The following PIGU variants were observed in gnomAD, a reference collection of about 807,000 sequenced individuals.
PIGU encodes the protein phosphatidylinositol glycan anchor biosynthesis class U.
PIGU carries 24 observed loss-of-function variants against 49.9 expected under a neutral mutation model. The observed-to-expected ratio is 0.48, with a 90% CI of 0.35 to 0.68. The LOEUF is 0.68. Ranked by LOEUF, PIGU falls within the 30% of genes least tolerant of loss-of-function variation. The pLI is 0.01. For synonymous variants in PIGU, 220 were observed against 205.7 expected (o/e 1.07, Z -0.59); for missense variants, 490 against 532.6 (o/e 0.92, Z 0.79).
intron 1 of PIGU, among the ~76,000 whole-genome samples, chr20:34,667,234 G>T (rs373870404): frequency 6.6e-6 from 1 of 152,016 alleles, no homozygotes; most frequent in Non-Finnish European, 1.5e-5. Context: ...TCAGTTTCCC[G>T]TATCAATAAG....
At chr20:34,576,315 C>T (rs1402140726) in intron 10 of PIGU, among the ~76,000 whole-genome samples, 1 of 152,152 alleles carries the variant, frequency 6.6e-6, no homozygotes, top group African/African-American at 2.4e-5. Context: ...GAAAAAATGA[C>T]ACAGATATAT....
At chr20:34,600,938 G>A (rs757423445) in intron 7 of PIGU, among the ~76,000 whole-genome samples, 6 of 152,042 alleles carry the variant, frequency 3.9e-5, no homozygotes, top group East Asian at 1.9e-4. Context: ...GGAGGCTAAG[G>A]CAGGAAAATT....
At chr20:34,633,226 G>A (rs1178688009) in intron 6 of PIGU, among the ~76,000 whole-genome samples, 2 of 152,174 alleles carry the variant, frequency 1.3e-5, no homozygotes, top group Non-Finnish European at 2.9e-5. Flanking sequence ...CACTTTGGGA[G>A]GCCAAGGAGG....
chr20:34,666,497 C>G (rs941972215), intron 1 of PIGU, among the ~76,000 whole-genome samples: 2 of 150,194 alleles, frequency 1.3e-5, no homozygotes, highest in Non-Finnish European at 3.0e-5. Flanking sequence ...TGATAACTAA[C>G]CCATGAAGCA....
intron 6 of PIGU, among the ~76,000 whole-genome samples, chr20:34,630,871 C>T (rs571574336): frequency 6.6e-6 from 1 of 152,178 alleles, no homozygotes. Context: ...TCTTGAACTC[C>T]TGGCCTCAAG....
chr20:34,650,700 CT>C (rs59998699), intron 2 of PIGU, among the ~76,000 whole-genome samples: 91 of 38,772 alleles, frequency 2.3e-3, no homozygotes, highest in Non-Finnish European at 3.2e-3. Context: ...CTTTTTTTCT[CT>C]TTTTTTTTTT....
intron 11 of PIGU, 136 bp downstream of exon 11, chr20:34,574,968 A>G (rs1406837213): frequency 1.7e-5 from 20 of 1,168,200 alleles, no homozygotes; most frequent in Non-Finnish European, 2.3e-5. Context: ...ACTGACTGGG[A>G]GCTACTTGAG....
chr20:34,598,989 C>A (rs527887947), intron 7 of PIGU, among the ~76,000 whole-genome samples: 1 of 152,220 alleles, frequency 6.6e-6, no homozygotes, highest in South Asian at 2.1e-4. Flanking sequence ...GAACTACAGG[C>A]ACATGCTACC....
chr20:34,665,192 A>ATTTTTTTTTTT (rs1171497892), intron 1 of PIGU, among the ~76,000 whole-genome samples: 4 of 59,612 alleles, frequency 6.7e-5, no homozygotes, highest in Admixed American at 2.9e-4. Context: ...TGTATGGCCA[A>ATTTTTTTTTTT]TTTTTTTTTT....
In PIGU at chr20:34,582,405, C is replaced by T. The variant is rs367904596; in HGVS notation, c.927-733G>A. The stretch of plus-strand genomic sequence containing the variant: ...TCAAGGCAGGCAATCCTGGGCCAGG[C>T]GCAGTGGCTCACATCTGTAATCCTA... On this transcript the variant is annotated intron_variant, in intron 9 of 11. Transcript: ENST00000217446. Among the ~76,000 whole-genome samples the T allele has an allele frequency of 1.3e-3, 200 of 152,250 alleles. 7 individuals carry two copies. In the South Asian group the frequency reaches 0.037, roughly 28 times the overall value.
At chr20:34,585,688 G>C in intron 8 of PIGU, 108 bp from the exon 9 acceptor site, 3 of 1,274,728 alleles carry the variant, frequency 2.4e-6, no homozygotes, top group Non-Finnish European at 1.1e-6. Flanking sequence ...AGCCAAGGAC[G>C]ACTTTCTCCC....
At chr20:34,672,604 G>T (rs1987341093) in intron 1 of PIGU, among the ~76,000 whole-genome samples, 1 of 152,034 alleles carries the variant, frequency 6.6e-6, no homozygotes, top group Non-Finnish European at 1.5e-5. Context: ...TATAATCCCA[G>T]CACTTTGGGA....
chr20:34,575,101 T>C lies in PIGU; in HGVS notation c.1194+3A>G, dbSNP rs919805615. On this transcript the variant is annotated splice_donor_region_variant and intron_variant, in intron 11 of 11. Coordinates refer to ENST00000217446, the MANE Select transcript of PIGU (RefSeq NM_080476.5). The stretch of plus-strand genomic sequence containing the variant: ...AAGCTGACCCCCATGCTGTCCCTCT[T>C]ACCTGCCCAACGTTGAAGGTCAGTG... 1.9e-5 allele frequency: 31 copies of C among 1,613,970 alleles called. No homozygotes were observed. The highest frequency in any genetic ancestry group is 2.5e-5 in the Non-Finnish European group (30 of 1,179,870).
Position 34,666,733 on chromosome 20 carries a change from G to C in PIGU, c.131-9489C>G, listed in dbSNP as rs564847367. 9.5e-3 allele frequency among the ~76,000 whole-genome samples: 1,081 copies of C among 113,798 alleles called. 21 individuals carry two copies. Among genetic ancestry groups the C allele is most frequent in the African/African-American group, 0.036 (1,044 of 29,386 alleles). The allele number at this position is 113,798 out of a possible 152,430, so 74.7% of individuals were successfully genotyped here. The stretch of plus-strand genomic sequence containing the variant: ...TTTTTTTGAGACAGAGTCTCGCTCT[G>C]TCACCCAGGCTGGAGTGCAGTGGCG... On this transcript the variant is annotated intron_variant, in intron 1 of 11. Coordinates refer to ENST00000217446, the MANE Select transcript of PIGU (RefSeq NM_080476.5).
intron 11 of PIGU, among the ~76,000 whole-genome samples, chr20:34,566,704 A>C (rs925390652): frequency 2.6e-5 from 4 of 152,108 alleles, no homozygotes; most frequent in African/African-American, 9.7e-5. Flanking sequence ...GCCCTGCAAA[A>C]GGTCACATGG....
At chr20:34,589,432 C>T (rs1983856475) in intron 7 of PIGU, among the ~76,000 whole-genome samples, 1 of 152,228 alleles carries the variant, frequency 6.6e-6, no homozygotes, top group South Asian at 2.1e-4. Context: ...CGGCTCACTG[C>T]AACCTCTGCC....
chr20:34,644,024 T>A, intron 4 of PIGU, 140 bp downstream of exon 4: 1 of 703,430 alleles, frequency 1.4e-6, no homozygotes, highest in South Asian at 1.7e-5. Context: ...ATTCCAGAGC[T>A]GGCTGAACAG....
intron 4 of PIGU, among the ~76,000 whole-genome samples, chr20:34,639,576 C>G (rs928715760): frequency 2.0e-5 from 3 of 151,400 alleles, no homozygotes; most frequent in Non-Finnish European, 2.9e-5. Context: ...TTTTTTTCAG[C>G]CCGAAAATAG....
At chr20:34,600,205 G>A (rs897115636) in intron 7 of PIGU, among the ~76,000 whole-genome samples, 1 of 152,110 alleles carries the variant, frequency 6.6e-6, no homozygotes. Context: ...TCAGAAGTTC[G>A]AGACCAACCT....
Sources: allele counts gnomAD v4.1 joint callset (sites outside exome capture counted in the v4.1 genomes callset), GRCh38; gene constraint gnomAD v4.1.1; transcripts MANE v1.5; gene names NCBI Gene and HGNC (gene_info 2026-07-23, HGNC 2026-07-21).